CLASP1: variants seen among roughly 807,000 people sequenced by gnomAD.
CLASP1 encodes CLIP-associating protein 1.
CLASP1 carries 38 observed loss-of-function variants against 192.3 expected under a neutral mutation model. The ratio of observed to expected loss-of-function variants is 0.20; its 90% confidence interval spans 0.15 to 0.26. The LOEUF (loss-of-function observed/expected upper bound fraction) is 0.26, where lower values mean the gene tolerates loss of function less well. Among genes scored for constraint, CLASP1 ranks in the 10% least tolerant of loss-of-function variants. CLASP1 has a pLI of 1.00. For synonymous variants in CLASP1, 691 were observed against 712.8 expected (o/e 0.97, Z 0.49); for missense variants, 1,433 against 1,932.5 (o/e 0.74, Z 4.85).
chr2:121,494,467 G>T (rs2093445067), intron 8 of CLASP1, among the ~76,000 whole-genome samples: 1 of 152,138 alleles, frequency 6.6e-6, no homozygotes, highest in Non-Finnish European at 1.5e-5. Flanking sequence ...TAGTGGTGGT[G>T]GGGAAGGGAG....
exon 23 of CLASP1, chr2:121,418,679 C>G (rs1171578844): frequency 1.2e-6 from 2 of 1,613,740 alleles, no homozygotes; most frequent in Non-Finnish European, 1.7e-6. Context: ...CGGCTGGTAT[C>G]GCGGCTGCAC....
intron 2 of CLASP1, among the ~76,000 whole-genome samples, chr2:121,598,352 G>A (rs200064507): frequency 2.0e-5 from 3 of 152,228 alleles, no homozygotes; most frequent in Non-Finnish European, 4.4e-5. Context: ...CTGAGTGAGA[G>A]AGGCAAGTTT....
At chr2:121,643,830 A>G (rs1205070676) in intron 1 of CLASP1, among the ~76,000 whole-genome samples, 3 of 152,216 alleles carry the variant, frequency 2.0e-5, no homozygotes, top group African/African-American at 4.8e-5. Context: ...TCACGAATGT[A>G]AAGTGCAGAG....
At chr2:121,478,718 C>CCA (rs1186872040) in intron 8 of CLASP1, among the ~76,000 whole-genome samples, 2 of 64,100 alleles carry the variant, frequency 3.1e-5, no homozygotes, top group Non-Finnish European at 3.2e-5. Context: ...ACACACACAA[C>CCA]CACACACACA....
At chr2:121,573,579 G>A (rs528786392) in intron 2 of CLASP1, among the ~76,000 whole-genome samples, 1 of 152,238 alleles carries the variant, frequency 6.6e-6, no homozygotes, top group South Asian at 2.1e-4. Context: ...CTTCAAATCT[G>A]AAATGTTGAA....
chr2:121,550,213 T>C (rs2057908039), intron 2 of CLASP1, among the ~76,000 whole-genome samples: 2 of 152,006 alleles, frequency 1.3e-5, no homozygotes, highest in Admixed American at 1.3e-4. Context: ...AGAACAAAGA[T>C]ACAACATATC....
At position 121,517,723 on chromosome 2, in the gene CLASP1, T is replaced by C. The variant is rs556135127; in HGVS notation, c.547-1961A>G. ...AATTTTTCTTAATTAGCTGGGCCAG[T>C]TGGTACTCAGCTACAGTCCTACCTA... is the stretch of plus-strand genomic sequence containing the variant. On this transcript the variant is annotated intron_variant, in intron 6 of 39. Coordinates refer to ENST00000263710, the Ensembl canonical transcript of CLASP1. 1.4e-4 allele frequency among the ~76,000 whole-genome samples: 22 copies of C among 151,814 alleles called. No individual in the cohort carries two copies. In the East Asian group the frequency reaches 3.9e-3, roughly 27 times the overall value.
At chr2:121,635,400 A>C (rs1472802978) in intron 1 of CLASP1, among the ~76,000 whole-genome samples, 3 of 152,198 alleles carry the variant, frequency 2.0e-5, no homozygotes, top group African/African-American at 7.2e-5. Flanking sequence ...CTTCTAAAAA[A>C]GACAATAGAT....
intron 1 of CLASP1, among the ~76,000 whole-genome samples, chr2:121,625,724 G>A (rs367684420): frequency 4.0e-5 from 6 of 150,528 alleles, no homozygotes; most frequent in African/African-American, 1.5e-4. Flanking sequence ...ATGAGCCACC[G>A]CGCCCAGCCT....
rs560846913 is a variant in CLASP1 at position 121,591,057 on chromosome 2, G to A, written c.195+14644C>T. Among the ~76,000 whole-genome samples, 72 of 152,062 alleles carry A rather than the reference G, an allele frequency of 4.7e-4. 2 individuals are homozygous for A. The South Asian group carries it at 0.012, about 26-fold the overall frequency. On this transcript the variant is annotated intron_variant, in intron 2 of 39. Transcript: ENST00000263710. Reference sequence around the variant, plus strand: ...TAATTTTTGTATTTTTAGTGGAGACGGGGTTTCACCATGTTGGCCAGGGTG... The same window carrying A: ...TAATTTTTGTATTTTTAGTGGAGACAGGGTTTCACCATGTTGGCCAGGGTG...
intron 2 of CLASP1, among the ~76,000 whole-genome samples, chr2:121,535,749 A>G (rs2095048544): frequency 6.6e-6 from 1 of 151,820 alleles, no homozygotes; most frequent in South Asian, 2.1e-4. Context: ...CCCAGCTTCA[A>G]GTGATCCTCC....
chr2:121,585,264 C>A (rs1265527172), intron 2 of CLASP1, among the ~76,000 whole-genome samples: 1 of 152,178 alleles, frequency 6.6e-6, no homozygotes, highest in African/African-American at 2.4e-5. Flanking sequence ...AAGAAGAACA[C>A]CAACTAGAAA....
exon 36 of CLASP1, chr2:121,365,201 C>A: frequency 6.2e-7 from 1 of 1,613,836 alleles, no homozygotes; most frequent in Non-Finnish European, 8.5e-7. Context: ...TCCAGCAGGG[C>A]TCCCTTCCGT....
chr2:121,452,758 T>C (rs1196931965), intron 14 of CLASP1, among the ~76,000 whole-genome samples: 2 of 152,184 alleles, frequency 1.3e-5, no homozygotes, highest in African/African-American at 4.8e-5. Context: ...GCCACTGCAC[T>C]CCAGCCTAGG....
intron 2 of CLASP1, among the ~76,000 whole-genome samples, chr2:121,600,019 A>T (rs2063618404): frequency 6.6e-6 from 1 of 152,140 alleles, no homozygotes; most frequent in Non-Finnish European, 1.5e-5. Flanking sequence ...TATCTATTTT[A>T]AAAATTCCAA....
At chr2:121,576,120 T>C (rs1430283142) in intron 2 of CLASP1, among the ~76,000 whole-genome samples, 4 of 152,230 alleles carry the variant, frequency 2.6e-5, no homozygotes, top group South Asian at 2.1e-4. Flanking sequence ...AGAGGTCTTT[T>C]CATTTATTAG....
At chr2:121,448,288 T>C (rs2084760053) in exon 18 of CLASP1, 2 of 1,613,496 alleles carry the variant, frequency 1.2e-6, no homozygotes, top group Non-Finnish European at 8.5e-7. Flanking sequence ...CTAGATGTGG[T>C]ACTTCCAGTA....
intron 2 of CLASP1, among the ~76,000 whole-genome samples, chr2:121,543,070 T>A (rs2095265230): frequency 6.6e-6 from 1 of 152,214 alleles, no homozygotes; most frequent in Non-Finnish European, 1.5e-5. Context: ...AGAACAGGAC[T>A]TTTCATTTAA....
At chr2:121,419,761 CT>C (rs2079181348) in intron 22 of CLASP1, among the ~76,000 whole-genome samples, 1 of 152,084 alleles carries the variant, frequency 6.6e-6, no homozygotes, top group Admixed American at 6.6e-5. Flanking sequence ...ACCTTGTATA[CT>C]GAATACATGT....
Sources: allele counts gnomAD v4.1 joint callset (sites outside exome capture counted in the v4.1 genomes callset), GRCh38; gene constraint gnomAD v4.1.1; transcripts MANE v1.5; gene names NCBI Gene and HGNC (gene_info 2026-07-23, HGNC 2026-07-21).